LRRC4C: variants seen among roughly 807,000 people sequenced by gnomAD.
LRRC4C encodes the protein leucine rich repeat containing 4C.
In LRRC4C, 5 loss-of-function variants were observed where a neutral mutation model predicts 33.6. The observed-to-expected ratio is 0.15, with a 90% confidence interval of 0.08 to 0.31. The LOEUF (loss-of-function observed/expected upper bound fraction) is 0.31, where lower values mean the gene tolerates loss of function less well. Among genes scored for constraint, LRRC4C ranks in the 10% least tolerant of loss-of-function variants. The pLI, the probability that LRRC4C is intolerant of heterozygous loss-of-function variation, is 1.00. For synonymous variants in LRRC4C, 329 were observed against 302.0 expected, an observed-to-expected ratio of 1.09 and a Z score of -0.93; for missense variants, 560 against 796.7, an observed-to-expected ratio of 0.70 and a Z score of 3.58.
At position 40,807,559 on chromosome 11, in the gene LRRC4C, A is replaced by C. The variant is rs573052932; in HGVS notation, c.-407+126076T>G. Among the ~76,000 whole-genome samples, 74 of 152,234 alleles carry C rather than the reference A, an allele frequency of 4.9e-4. 1 individual carries two copies. The highest frequency in any genetic ancestry group is 1.0e-3 in the Non-Finnish European group (70 of 68,048). On this transcript the variant is annotated intron_variant, in intron 2 of 6. Coordinates refer to ENST00000528697, the MANE Select transcript of LRRC4C (RefSeq NM_001258419.2). ...TTCTGACAGAACAGAAGCCTTGAAG[A>C]CTGTGCCATTCCTTTCTGTGACACA...
intron 1 of LRRC4C, among the ~76,000 whole-genome samples, chr11:41,173,438 T>A (rs1393682584): frequency 6.6e-6 from 1 of 152,180 alleles, no homozygotes; most frequent in South Asian, 2.1e-4. Context: ...TTGATATTCA[T>A]GCTAGCCATC....
At chr11:40,443,155 T>G (rs1053577168) in intron 3 of LRRC4C, among the ~76,000 whole-genome samples, 7 of 152,198 alleles carry the variant, frequency 4.6e-5, no homozygotes, top group African/African-American at 1.7e-4. Context: ...GTCTGTATTT[T>G]GTTTACTTTT....
intron 5 of LRRC4C, among the ~76,000 whole-genome samples, chr11:40,153,803 G>A (rs765361846): frequency 6.6e-6 from 1 of 152,010 alleles, no homozygotes; most frequent in Non-Finnish European, 1.5e-5. Context: ...TATGTTAAAT[G>A]AAAAAAACCT....
intron 1 of LRRC4C, among the ~76,000 whole-genome samples, chr11:41,321,932 T>G (rs1057205081): frequency 2.0e-4 from 31 of 152,054 alleles, no homozygotes; most frequent in Non-Finnish European, 1.3e-4. Context: ...TGGCGTGATC[T>G]CAGTTCACTG....
chr11:41,249,123 C>T (rs1028249064), intron 1 of LRRC4C, among the ~76,000 whole-genome samples: 1 of 151,980 alleles, frequency 6.6e-6, no homozygotes, highest in African/African-American at 2.4e-5. Flanking sequence ...CAAGCTCCAC[C>T]TCCCGGATTC....
intron 2 of LRRC4C, among the ~76,000 whole-genome samples, chr11:40,761,966 C>A (rs974010085): frequency 1.3e-5 from 2 of 152,222 alleles, no homozygotes; most frequent in South Asian, 2.1e-4. Context: ...AACTTCATTC[C>A]ATTTTTCTGT....
intron 3 of LRRC4C, among the ~76,000 whole-genome samples, chr11:40,382,857 C>A (rs953140798): frequency 4.6e-5 from 7 of 151,838 alleles, no homozygotes; most frequent in Admixed American, 2.6e-4. Context: ...CCATGCCCAG[C>A]TAATTTTTTG....
At chr11:40,631,539 C>T (rs1963479550) in intron 3 of LRRC4C, among the ~76,000 whole-genome samples, 1 of 152,130 alleles carries the variant, frequency 6.6e-6, no homozygotes, top group Non-Finnish European at 1.5e-5. Context: ...TGCTCTTTAC[C>T]CCAATACTTC....
rs557402243 is a variant in LRRC4C at position 40,191,064 on chromosome 11, A to T, written c.-95-50211T>A. Among the ~76,000 whole-genome samples, 14 of 152,300 alleles carry T rather than the reference A, an allele frequency of 9.2e-5. 1 individual carries two copies. In the South Asian group the frequency reaches 2.7e-3, roughly 29 times the overall value. Reference sequence around the variant, plus strand: ...TATATTACTTGAGTACTTACTTAGCATTATGCCGAGCACCTCGCACACAAC... The same window carrying T: ...TATATTACTTGAGTACTTACTTAGCTTTATGCCGAGCACCTCGCACACAAC... On this transcript the variant is annotated intron_variant, in intron 5 of 6. Coordinates refer to ENST00000528697, the MANE Select transcript of LRRC4C (RefSeq NM_001258419.2).
chr11:40,614,933 A>G (rs1961615557), intron 3 of LRRC4C, among the ~76,000 whole-genome samples: 1 of 151,608 alleles, frequency 6.6e-6, no homozygotes, highest in Non-Finnish European at 1.5e-5. Flanking sequence ...ATCTAAGATA[A>G]GTGATCAGAG....
intron 4 of LRRC4C, among the ~76,000 whole-genome samples, chr11:40,280,409 A>G (rs1177226842): frequency 1.3e-5 from 2 of 152,240 alleles, no homozygotes; most frequent in Non-Finnish European, 2.9e-5. Flanking sequence ...GGCCACGTGC[A>G]TTAAGCAGGC....
chr11:40,242,064 G>T (rs769991924), intron 4 of LRRC4C, among the ~76,000 whole-genome samples: 1 of 152,130 alleles, frequency 6.6e-6, no homozygotes, highest in Non-Finnish European at 1.5e-5. Context: ...CTCCTGGAAG[G>T]CTCCTTGCCT....
At chr11:40,143,336 C>T (rs1017705680) in intron 5 of LRRC4C, among the ~76,000 whole-genome samples, 1 of 152,162 alleles carries the variant, frequency 6.6e-6, no homozygotes, top group Non-Finnish European at 1.5e-5. Context: ...AATGGCTTCT[C>T]GCAACACTCA....
chr11:40,127,004 G>C (rs562915280), intron 6 of LRRC4C, among the ~76,000 whole-genome samples: 35 of 152,120 alleles, frequency 2.3e-4, no homozygotes, highest in African/African-American at 8.2e-4. Context: ...TTGGGGCCAG[G>C]TGTAGTGGCT....
intron 5 of LRRC4C, among the ~76,000 whole-genome samples, chr11:40,198,432 A>G (rs982232507): frequency 2.0e-5 from 3 of 152,230 alleles, no homozygotes; most frequent in Non-Finnish European, 4.4e-5. Flanking sequence ...TTGTTATGAG[A>G]TATCCAGATA....
intron 1 of LRRC4C, among the ~76,000 whole-genome samples, chr11:41,364,382 G>A (rs945999170): frequency 1.3e-5 from 2 of 152,000 alleles, no homozygotes; most frequent in Non-Finnish European, 2.9e-5. Flanking sequence ...AGGTTCAAGC[G>A]ATTCTCCTGC....
At chr11:40,966,792 T>C (rs908339003) in intron 1 of LRRC4C, among the ~76,000 whole-genome samples, 1 of 152,056 alleles carries the variant, frequency 6.6e-6, no homozygotes, top group Non-Finnish European at 1.5e-5. Context: ...TTCTTTTCTT[T>C]CTTTTTCTCC....
chr11:41,437,757 G>GCA (rs972043886), intron 1 of LRRC4C, among the ~76,000 whole-genome samples: 1 of 152,150 alleles, frequency 6.6e-6, no homozygotes, highest in African/African-American at 2.4e-5. Context: ...TACAATATGG[G>GCA]CTGGGTGCCC....
At chr11:40,804,580 T>C (rs1032272697) in intron 2 of LRRC4C, among the ~76,000 whole-genome samples, 3 of 152,156 alleles carry the variant, frequency 2.0e-5, no homozygotes, top group African/African-American at 7.2e-5. Context: ...CCTTTATTCT[T>C]CCACTGTGTA....
Sources: allele counts gnomAD v4.1 joint callset (sites outside exome capture counted in the v4.1 genomes callset), GRCh38; gene constraint gnomAD v4.1.1; transcripts MANE v1.5; gene names NCBI Gene and HGNC (gene_info 2026-07-23, HGNC 2026-07-21).